CNTNAP5: variants seen among roughly 807,000 people sequenced by gnomAD.
CNTNAP5 encodes the protein contactin associated protein family member 5.
CNTNAP5 carries 72 observed loss-of-function variants against 150.2 expected under a neutral mutation model. The observed-to-expected ratio is 0.48, with a 90% confidence interval of 0.40 to 0.58. The LOEUF (loss-of-function observed/expected upper bound fraction) is 0.58. Ranked by LOEUF, CNTNAP5 falls within the 20% of genes least tolerant of loss-of-function variation. CNTNAP5 has a pLI of 0.00. For synonymous variants in CNTNAP5, 672 were observed against 619.8 expected, an observed-to-expected ratio of 1.08 and a Z score of -1.25; for missense variants, 1,636 against 1,626.2, an observed-to-expected ratio of 1.01 and a Z score of -0.10.
rs368857681 is a variant in CNTNAP5 at position 124,584,994 on chromosome 2, T to C, written c.1756+21671T>C. Reference sequence around the variant, plus strand: ...TGTATGAGCTCATTTGCATTATTCATAAATAGGAATACTTGTTAGCAGGCT... The same window carrying C: ...TGTATGAGCTCATTTGCATTATTCACAAATAGGAATACTTGTTAGCAGGCT... On this transcript the variant is annotated intron_variant, in intron 11 of 23. Transcript: ENST00000682447. Among the ~76,000 whole-genome samples, 13 of 152,310 alleles carry C rather than the reference T, an allele frequency of 8.5e-5. No individual in the cohort carries two copies. The South Asian group carries it at 2.5e-3, about 29-fold the overall frequency.
At chr2:124,874,043 G>A (rs147252306) in intron 21 of CNTNAP5, among the ~76,000 whole-genome samples, 36 of 152,088 alleles carry the variant, frequency 2.4e-4, no homozygotes, top group African/African-American at 7.7e-4. Context: ...TTGTTTGTTT[G>A]TTTGTTTCCT....
intron 17 of CNTNAP5, among the ~76,000 whole-genome samples, chr2:124,778,022 T>G (rs535085645): frequency 1.3e-5 from 2 of 152,244 alleles, no homozygotes; most frequent in Non-Finnish European, 2.9e-5. Flanking sequence ...ATCATTTATG[T>G]GAAACTGGCA....
At chr2:124,038,475 C>T (rs565064028) in intron 1 of CNTNAP5, among the ~76,000 whole-genome samples, 18 of 152,198 alleles carry the variant, frequency 1.2e-4, no homozygotes, top group South Asian at 1.0e-3. Flanking sequence ...GCATCAACAA[C>T]GGGAGCTATC....
chr2:124,139,829 C>T (rs974955626), intron 1 of CNTNAP5, among the ~76,000 whole-genome samples: 10 of 152,164 alleles, frequency 6.6e-5, no homozygotes, highest in Non-Finnish European at 1.0e-4. Context: ...CAGCTCCCAG[C>T]GTGAGCGACG....
At chr2:124,408,543 G>T (rs2553621) in intron 3 of CNTNAP5, among the ~76,000 whole-genome samples, 9 of 150,576 alleles carry the variant, frequency 6.0e-5, no homozygotes, top group African/African-American at 2.2e-4. Flanking sequence ...ATCTGAGAAC[G>T]GGCAGACTGC....
chr2:124,524,164 A>C, intron 8 of CNTNAP5, 139 bp from the exon 9 acceptor site: 1 of 685,264 alleles, frequency 1.5e-6, no homozygotes, highest in Non-Finnish European at 2.4e-6. Flanking sequence ...TGAATCTTCC[A>C]AGGGCTTGTA....
At chr2:124,134,368 A>C (rs1315348829) in intron 1 of CNTNAP5, among the ~76,000 whole-genome samples, 1 of 152,168 alleles carries the variant, frequency 6.6e-6, no homozygotes, top group Non-Finnish European at 1.5e-5. Context: ...AAGAAAAAAA[A>C]AAAATGGTAA....
chr2:124,274,268 C>A (rs578154951), intron 3 of CNTNAP5, among the ~76,000 whole-genome samples: 22 of 152,270 alleles, frequency 1.4e-4, no homozygotes, highest in Non-Finnish European at 2.9e-4. Context: ...TCACTAGCCA[C>A]CTCCCATTTT....
At chr2:124,385,248 G>A (rs1194641937) in intron 3 of CNTNAP5, among the ~76,000 whole-genome samples, 6 of 152,178 alleles carry the variant, frequency 3.9e-5, no homozygotes, top group African/African-American at 1.4e-4. Flanking sequence ...TTTACGGCAG[G>A]CATTAATGGG....
chr2:124,910,774 A>G (rs908051740), intron 22 of CNTNAP5, among the ~76,000 whole-genome samples: 1 of 152,042 alleles, frequency 6.6e-6, no homozygotes, highest in African/African-American at 2.4e-5. Context: ...CATAGTGGCT[A>G]CTTATAAGTG....
chr2:124,167,407 A>G (rs1308767232), intron 1 of CNTNAP5, among the ~76,000 whole-genome samples: 2 of 152,326 alleles, frequency 1.3e-5, no homozygotes, highest in Admixed American at 6.5e-5. Context: ...TCCACTTATC[A>G]CCAGGAGTTG....
intron 13 of CNTNAP5, among the ~76,000 whole-genome samples, chr2:124,707,291 T>C (rs1390223259): frequency 6.6e-6 from 1 of 152,126 alleles, no homozygotes; most frequent in Non-Finnish European, 1.5e-5. Flanking sequence ...CCTGGAGGTC[T>C]GGCAAGAGAG....
intron 1 of CNTNAP5, among the ~76,000 whole-genome samples, chr2:124,143,525 AG>A (rs1684171014): frequency 1.2e-4 from 1 of 8,554 alleles, no homozygotes; most frequent in African/African-American, 1.6e-4. Flanking sequence ...ATATAAACAG[AG>A]CCAAAGACAA....
At chr2:124,529,784 A>G (rs1208727623) in intron 10 of CNTNAP5, among the ~76,000 whole-genome samples, 3 of 152,202 alleles carry the variant, frequency 2.0e-5, no homozygotes, top group Non-Finnish European at 4.4e-5. Flanking sequence ...ACAGAGGACA[A>G]TCTGAGAATC....
At position 124,801,165 on chromosome 2, in the gene CNTNAP5, C is replaced by T. The variant is rs144325735; in HGVS notation, c.3217+2845C>T. Among the ~76,000 whole-genome samples the T allele has an allele frequency of 3.0e-3, 462 of 152,224 alleles. 2 individuals are homozygous for T. Among genetic ancestry groups the T allele is most frequent in the Admixed American group, 5.3e-3 (81 of 15,294 alleles). On this transcript the variant is annotated intron_variant, in intron 19 of 23. Transcript: ENST00000682447. ...TGCAGAGATACAACTAAGATATGTGCTCAATCATTCATTTTTTATTAACTC... is the reference window on the plus strand; with the variant it reads ...TGCAGAGATACAACTAAGATATGTGTTCAATCATTCATTTTTTATTAACTC...
Position 124,914,440 on chromosome 2 carries a change from C to T in CNTNAP5, c.*152C>T. The T allele has an allele frequency of 3.1e-6, 2 of 641,066 alleles. No individual in the cohort carries two copies. Among genetic ancestry groups the T allele is most frequent in the Non-Finnish European group, 5.5e-6 (2 of 365,034 alleles). 39.7% of individuals were successfully genotyped at this position (641,066 alleles called of 1,614,324 possible). ...TTGCATCCACCACAGCATCAATTCC[C>T]TTGATCCAGCCCAAGAGACCAGGCA... On this transcript the variant is annotated 3_prime_UTR_variant, in exon 24 of 24. Transcript: ENST00000682447.
chr2:124,535,483 G>A (rs1695208762), intron 10 of CNTNAP5, among the ~76,000 whole-genome samples: 1 of 151,896 alleles, frequency 6.6e-6, no homozygotes, highest in Admixed American at 6.6e-5. Context: ...ATTTAAGAAA[G>A]CCAGGTGTGG....
intron 1 of CNTNAP5, among the ~76,000 whole-genome samples, chr2:124,102,333 A>G (rs1683083282): frequency 6.6e-6 from 1 of 152,174 alleles, no homozygotes; most frequent in Admixed American, 6.5e-5. Context: ...ATTGCTGAAT[A>G]ATAAAATAAA....
At chr2:124,074,328 A>G (rs1682385231) in intron 1 of CNTNAP5, among the ~76,000 whole-genome samples, 2 of 152,110 alleles carry the variant, frequency 1.3e-5, no homozygotes, top group South Asian at 4.1e-4. Context: ...ATATTTTTAA[A>G]TAACTAAAAG....
Sources: gnomAD v4.1 joint callset for allele counts (sites outside exome capture counted in the v4.1 genomes callset) on GRCh38, gnomAD v4.1.1 for gene constraint, MANE v1.5 for transcripts, NCBI Gene and HGNC (gene_info 2026-07-23, HGNC 2026-07-21) for gene names.